Variants in PDGFC observed in about 807,000 individuals in gnomAD.
The protein encoded by PDGFC is platelet-derived growth factor C.
PDGFC carries 12 observed loss-of-function variants against 35.5 expected under a neutral mutation model. The observed-to-expected ratio is 0.34, with a 90% confidence interval of 0.22 to 0.55. The LOEUF is 0.55. Ranked by LOEUF, PDGFC falls within the 20% of genes least tolerant of loss-of-function variation. PDGFC has a pLI of 0.91. For missense variants in PDGFC, 322 were observed against 412.4 expected, an observed-to-expected ratio of 0.78 and a Z score of 1.90; for synonymous variants, 159 against 148.8, an observed-to-expected ratio of 1.07 and a Z score of -0.50.
intron 1 of PDGFC, among the ~76,000 whole-genome samples, chr4:156,905,692 C>A (rs772447575): frequency 2.0e-5 from 3 of 152,094 alleles, no homozygotes; most frequent in Non-Finnish European, 4.4e-5. Flanking sequence ...CATCTAATCA[C>A]TGCTTCATTC....
intron 1 of PDGFC, among the ~76,000 whole-genome samples, chr4:156,964,728 G>T (rs1005869414): frequency 1.4e-4 from 21 of 152,080 alleles, no homozygotes; most frequent in Non-Finnish European, 2.9e-4. Context: ...CAGTTTAATA[G>T]TGGCTGTCTA....
chr4:156,920,170 A>T (rs1560873339), intron 1 of PDGFC, among the ~76,000 whole-genome samples: 1 of 152,202 alleles, frequency 6.6e-6, no homozygotes, highest in Non-Finnish European at 1.5e-5. Flanking sequence ...TACAACTGTG[A>T]GCCAAATAAA....
intron 2 of PDGFC, among the ~76,000 whole-genome samples, chr4:156,847,304 A>G (rs1272709543): frequency 1.3e-5 from 2 of 151,768 alleles, no homozygotes; most frequent in Non-Finnish European, 3.0e-5. Flanking sequence ...GGCTGGTTGT[A>G]TGTACCTCCT....
intron 3 of PDGFC, among the ~76,000 whole-genome samples, chr4:156,803,190 T>C (rs552004151): frequency 1.3e-5 from 2 of 152,218 alleles, no homozygotes; most frequent in South Asian, 2.1e-4. Flanking sequence ...AAACCAAATG[T>C]GTCTGAGTGT....
At chr4:156,946,538 C>A (rs564480193) in intron 1 of PDGFC, among the ~76,000 whole-genome samples, 7 of 152,118 alleles carry the variant, frequency 4.6e-5, no homozygotes, top group Non-Finnish European at 8.8e-5. Flanking sequence ...TAAACAACAA[C>A]CCCTTTTCTG....
intron 1 of PDGFC, among the ~76,000 whole-genome samples, chr4:156,860,503 A>G (rs1729684871): frequency 6.6e-6 from 1 of 152,142 alleles, no homozygotes; most frequent in African/African-American, 2.4e-5. Context: ...TCTAAAAGAA[A>G]TGTACCACTA....
intron 1 of PDGFC, among the ~76,000 whole-genome samples, chr4:156,870,353 A>C (rs1469110187): frequency 1.3e-5 from 2 of 152,112 alleles, no homozygotes; most frequent in Non-Finnish European, 2.9e-5. Flanking sequence ...AATAAATCTT[A>C]AAGTGTTTCA....
chr4:156,787,606 C>T (rs1731163697), intron 3 of PDGFC, among the ~76,000 whole-genome samples: 1 of 151,824 alleles, frequency 6.6e-6, no homozygotes, highest in Non-Finnish European at 1.5e-5. Context: ...AAGTAATAGC[C>T]TTATTGATGT....
intron 2 of PDGFC, among the ~76,000 whole-genome samples, chr4:156,837,709 A>G (rs1180784909): frequency 6.6e-6 from 1 of 152,164 alleles, no homozygotes; most frequent in Non-Finnish European, 1.5e-5. Flanking sequence ...GACAAGCTAG[A>G]GAAAGAAAGC....
intron 2 of PDGFC, among the ~76,000 whole-genome samples, chr4:156,828,392 G>A (rs1236710131): frequency 2.0e-5 from 3 of 152,188 alleles, no homozygotes; most frequent in African/African-American, 4.8e-5. Context: ...GATGAGATCC[G>A]GCATCAAGAC....
At chr4:156,847,924 C>T (rs977940394) in intron 2 of PDGFC, among the ~76,000 whole-genome samples, 9 of 151,532 alleles carry the variant, frequency 5.9e-5, no homozygotes, top group Admixed American at 1.3e-4. Context: ...TATAGAAACC[C>T]GATCTGCAAG....
chr4:156,799,146 A>C (rs941363312), intron 3 of PDGFC, among the ~76,000 whole-genome samples: 9 of 152,318 alleles, frequency 5.9e-5, no homozygotes, highest in Non-Finnish European at 8.8e-5. Context: ...CCTTTAAAGC[A>C]AGAGATGACA....
In PDGFC at chr4:156,955,185, T is replaced by C. The variant is rs188321387; in HGVS notation, c.118+15601A>G. 3.9e-3 allele frequency among the ~76,000 whole-genome samples: 600 copies of C among 152,054 alleles called. 2 individuals carry two copies. Among genetic ancestry groups the C allele is most frequent in the African/African-American group, 0.014 (576 of 41,512 alleles). ...AACACGCAGCATGAAGGAGAGATGA[T>C]GGTTCCCTTCCATTCCACACCCCAG... On this transcript the variant is annotated intron_variant, in intron 1 of 5. Coordinates refer to ENST00000502773, the MANE Select transcript of PDGFC (RefSeq NM_016205.3).
chr4:156,850,397 A>C lies in PDGFC; in HGVS notation c.138T>G (p.His46Gln). ...TAGTAGACACAGTAATAATTCTCTCATGCTGAGGATCTTGTACTCCTAAAG... is the reference window on the plus strand; with the variant it reads ...TAGTAGACACAGTAATAATTCTCTCCTGCTGAGGATCTTGTACTCCTAAAG... ...KEQNGVQDPQHERIITVSTNG... is the reference protein window; with the variant it reads ...KEQNGVQDPQQERIITVSTNG... Residue 46 changes from histidine (H) to glutamine (Q), a missense_variant, in exon 2 of 6, where the codon CAT becomes CAG. By Grantham distance (24) the His-to-Gln change is conservative. Coordinates refer to ENST00000502773, the MANE Select transcript of PDGFC (RefSeq NM_016205.3). 9 of 1,593,096 alleles carry C rather than the reference A, an allele frequency of 5.6e-6. No homozygotes were observed. The highest frequency in any genetic ancestry group is 7.7e-6 in the Non-Finnish European group (9 of 1,168,976).
intron 1 of PDGFC, among the ~76,000 whole-genome samples, chr4:156,960,265 T>C (rs184179727): frequency 1.4e-4 from 20 of 147,688 alleles, no homozygotes; most frequent in Non-Finnish European, 2.2e-4. Flanking sequence ...TATATATATA[T>C]ATATATATAA....
At chr4:156,799,762 A>G (rs560205263) in intron 3 of PDGFC, among the ~76,000 whole-genome samples, 29 of 152,184 alleles carry the variant, frequency 1.9e-4, no homozygotes, top group African/African-American at 6.7e-4. Flanking sequence ...CTGCATTCAT[A>G]TTTTTACTTT....
intron 1 of PDGFC, among the ~76,000 whole-genome samples, chr4:156,855,927 T>A (rs1021733190): frequency 3.9e-5 from 6 of 152,176 alleles, no homozygotes; most frequent in Non-Finnish European, 8.8e-5. Context: ...CCTAATCTTA[T>A]TTGATTCTGT....
intron 2 of PDGFC, among the ~76,000 whole-genome samples, chr4:156,821,193 GTA>G (rs1276004680): frequency 0.012 from 1,109 of 95,948 alleles, 14 homozygotes; most frequent in African/African-American, 0.053. Flanking sequence ...GTGTGTGTGT[GTA>G]TGTGTGTGTG....
chr4:156,970,770 T>C lies in PDGFC; in HGVS notation c.118+16A>G, dbSNP rs754676571. Reference sequence around the variant, plus strand: ...CAGCGAGAAACAAGCAGGGGGAGAATGGGGGAAAGACTCACCGTTCTGTTC... The same window carrying C: ...CAGCGAGAAACAAGCAGGGGGAGAACGGGGGAAAGACTCACCGTTCTGTTC... On this transcript the variant is annotated intron_variant, in intron 1 of 5. Coordinates refer to ENST00000502773, the MANE Select transcript of PDGFC (RefSeq NM_016205.3). The C allele has an allele frequency of 1.7e-5, 25 of 1,482,386 alleles. No individual in the cohort carries two copies. The highest frequency in any genetic ancestry group is 1.7e-4 in the Middle Eastern group (1 of 5,852). The allele number at this position is 1,482,386 out of a possible 1,614,324, so 91.8% of individuals were successfully genotyped here.
Sources: gnomAD v4.1 joint callset for allele counts (sites outside exome capture counted in the v4.1 genomes callset) on GRCh38, gnomAD v4.1.1 for gene constraint, MANE v1.5 for transcripts, NCBI Gene and HGNC (gene_info 2026-07-23, HGNC 2026-07-21) for gene names.